Variants in ENDOV observed in about 807,000 individuals in gnomAD.
ENDOV encodes hEndoV.
Under a neutral mutation model 39.4 loss-of-function variants are expected in ENDOV, and 37 were observed. The observed-to-expected ratio is 0.94, with a 90% CI of 0.72 to 1.23. The LOEUF (loss-of-function observed/expected upper bound fraction) is 1.23, where lower values mean the gene tolerates loss of function less well. Among genes scored for constraint, ENDOV ranks in the 50% most tolerant of loss-of-function variants. ENDOV has a pLI of 0.00. For missense variants in ENDOV, 441 were observed against 375.7 expected (o/e 1.17, Z -1.44); for synonymous variants, 186 against 163.4 (o/e 1.14, Z -1.05).
intron 7 of ENDOV, chr17:80,427,932 C>A: frequency 8.5e-7 from 1 of 1,173,056 alleles, no homozygotes; most frequent in Non-Finnish European, 1.1e-6. Flanking sequence ...TTAGCCGTTG[C>A]TTTCCATGAG....
rs535757044 is a variant in ENDOV, at chr17:80,430,123, G to C, written c.838+292G>C. The C allele has an allele frequency of 8.5e-6, 13 of 1,530,760 alleles. No homozygotes were observed. The East Asian group carries it at 2.7e-4, about 32-fold the overall frequency. 94.8% of individuals were successfully genotyped at this position (1,530,760 alleles called of 1,614,324 possible). On this transcript the variant is annotated intron_variant, in intron 9 of 9. Coordinates refer to ENST00000518137, the MANE Select transcript of ENDOV (RefSeq NM_173627.5). ...GCACAGCCCAGCACCAGGTGGGGCA[G>C]AGGTGACCACGGCCCCTCTTTGCTC...
chr17:80,423,228 C>G (rs1203494832), intron 4 of ENDOV, among the ~76,000 whole-genome samples: 2 of 152,214 alleles, frequency 1.3e-5, no homozygotes, highest in Non-Finnish European at 2.9e-5. Flanking sequence ...CTGGGAGGTG[C>G]AGGAAATGAC....
chr17:80,415,858 T>C (rs1052726613), intron 2 of ENDOV, 37 bp downstream of exon 2: 1 of 1,559,276 alleles, frequency 6.4e-7, no homozygotes, highest in Admixed American at 1.9e-5. Flanking sequence ...GGCGGGCCCC[T>C]CGGTGGGCTC....
At chr17:80,422,427 G>A (rs1055531329) in intron 4 of ENDOV, among the ~76,000 whole-genome samples, 182 bp downstream of exon 4, 3 of 152,232 alleles carry the variant, frequency 2.0e-5, no homozygotes, top group African/African-American at 4.8e-5. Context: ...CCCCACCGCC[G>A]GTAAAGGACT....
At chr17:80,425,857 A>G (rs889433383) in intron 7 of ENDOV, among the ~76,000 whole-genome samples, 2 of 152,130 alleles carry the variant, frequency 1.3e-5, no homozygotes. Context: ...CCTGCACCCC[A>G]TGCACTCAGC....
rs751091545 is a variant in ENDOV, at chr17:80,430,156, G to T, written c.838+325G>T. On this transcript the variant is annotated intron_variant, in intron 9 of 9. Transcript: ENST00000518137. ...CACGGCCCCTCTTTGCTCCGTCATC[G>T]GCTGGTCAGCTGTGGTCACGGTGCC... 3.4e-5 allele frequency: 52 copies of T among 1,511,120 alleles called. No individual in the cohort carries two copies. The South Asian group carries it at 6.4e-4, about 19-fold the overall frequency. The allele number at this position is 1,511,120 out of a possible 1,614,324, so 93.6% of individuals were successfully genotyped here. A position where few individuals can be genotyped will look rare whatever the true frequency, so the allele number is the denominator to read the frequency against.
chr17:80,425,032 A>G lies in ENDOV; in HGVS notation c.517A>G (p.Ile173Val). Residue 173 changes from isoleucine (I) to valine (V), a missense_variant and splice_region_variant, in exon 6 of 10, where the codon ATC becomes GTC. By Grantham distance (29) the Ile-to-Val change is conservative (BLOSUM62 3). Transcript: ENST00000518137. ...CCCCATTTTTCCCTCCATTTTCCAG[A>G]TCCGACTCCTGCAGACTCGAGGAGA... ...LENNALHKEK[I>V]RLLQTRGDSF... The G allele has an allele frequency of 6.2e-7, 1 of 1,612,036 alleles. No individual in the cohort carries two copies. Among genetic ancestry groups the G allele is most frequent in the Non-Finnish European group, 8.5e-7 (1 of 1,179,188 alleles).
chr17:80,415,459 T>G lies in ENDOV; in HGVS notation c.57-191T>G, dbSNP rs539808412. On this transcript the variant is annotated intron_variant, in intron 1 of 9. Coordinates refer to ENST00000518137, the MANE Select transcript of ENDOV (RefSeq NM_173627.5). The stretch of plus-strand genomic sequence containing the variant: ...GCGGTTCTCGCTTCCGGCCAGTTTG[T>G]CTGGCCTGCGCTTGCGCGGGTCTCC... 3.6e-3 allele frequency: 3,533 copies of G among 990,828 alleles called. 87 individuals are homozygous for G. The African/African-American group carries it at 0.051, about 14-fold the overall frequency. 61.4% of individuals were successfully genotyped at this position (990,828 alleles called of 1,614,324 possible).
intron 6 of ENDOV, 52 bp downstream of exon 6, chr17:80,425,152 T>TTGCAGGCAGACACAGG (rs1329476905): frequency 6.6e-7 from 1 of 1,508,754 alleles, no homozygotes; most frequent in Non-Finnish European, 9.1e-7. Context: ...AGGGGATCCT[T>TTGCAGGCAGACACAGG]TGCAGGCAGA....
chr17:80,421,490 C>T (rs570281073), intron 2 of ENDOV, among the ~76,000 whole-genome samples: 1 of 132,208 alleles, frequency 7.6e-6, no homozygotes, highest in East Asian at 2.2e-4. Context: ...GACCGGGTCC[C>T]AGGGGGCTGC....
chr17:80,419,574 C>T (rs1391417780), intron 2 of ENDOV: 1 of 702,636 alleles, frequency 1.4e-6, no homozygotes, highest in African/African-American at 1.7e-5. Context: ...GTCTGTGACT[C>T]CCATCGATCA....
chr17:80,421,679 C>A, intron 2 of ENDOV, 149 bp from the exon 3 acceptor site: 2 of 1,095,148 alleles, frequency 1.8e-6, no homozygotes, highest in Non-Finnish European at 2.6e-6. Flanking sequence ...TCTTCCAAAC[C>A]CATCATCTCA....
intron 7 of ENDOV, chr17:80,427,589 T>A (rs2082867457): frequency 2.7e-6 from 3 of 1,097,630 alleles, no homozygotes; most frequent in South Asian, 2.1e-5. Flanking sequence ...CTGTTGGGCG[T>A]GAGCCGAGGA....
Position 80,436,519 on chromosome 17 carries a change from T to A in ENDOV, c.*376T>A. On this transcript the variant is annotated 3_prime_UTR_variant, in exon 10 of 10. Coordinates refer to ENST00000518137, the MANE Select transcript of ENDOV (RefSeq NM_173627.5). ...TTTTGTCAAATGCTTTTCTGGCCTC[T>A]ATTGAAAAGATCCTGTGTTCTTCTG... 4.5e-6 allele frequency: 2 copies of A among 446,152 alleles called. No individual in the cohort carries two copies. Among genetic ancestry groups the A allele is most frequent in the Non-Finnish European group, 7.4e-6 (2 of 269,494 alleles). 27.6% of individuals were successfully genotyped at this position (446,152 alleles called of 1,614,324 possible).
intron 9 of ENDOV, 132 bp from the exon 10 acceptor site, chr17:80,436,001 C>A: frequency 5.1e-6 from 5 of 978,666 alleles, no homozygotes; most frequent in Non-Finnish European, 7.8e-6. Context: ...GCTTTCCTCC[C>A]ACCTCGGCCT....
intron 9 of ENDOV, among the ~76,000 whole-genome samples, chr17:80,434,035 A>AC (rs41301942): frequency 0.011 from 1,691 of 152,212 alleles, 40 homozygotes; most frequent in African/African-American, 0.038. Context: ...CCAAAGGGAA[A>AC]CCCCATATCC....
rs537808176 is a variant in ENDOV, at chr17:80,419,596, A to G, written c.229-2232A>G. 62 of 702,982 alleles carry G rather than the reference A, an allele frequency of 8.8e-5. 3 individuals carry two copies. The highest frequency in any genetic ancestry group is 8.6e-4 in the South Asian group (58 of 67,604). The allele number at this position is 702,982 out of a possible 1,614,324, so 43.5% of individuals were successfully genotyped here. A position where few individuals can be genotyped will look rare whatever the true frequency, so the allele number is the denominator to read the frequency against. ...ACTCCCATCGATCAGTTCTGCCTTC[A>G]GGTAGCAAAACAGAACGGATCTTCC... On this transcript the variant is annotated intron_variant, in intron 2 of 9. Transcript: ENST00000518137.
At position 80,427,897 on chromosome 17, in the gene ENDOV, A is replaced by C. The variant is rs536743654; in HGVS notation, c.715-699A>C. The C allele has an allele frequency of 4.9e-6, 6 of 1,224,696 alleles. No homozygotes were observed. The African/African-American group carries it at 9.4e-5, about 19-fold the overall frequency. 75.9% of individuals were successfully genotyped at this position (1,224,696 alleles called of 1,614,324 possible). A position where few individuals can be genotyped will look rare whatever the true frequency, so the allele number is the denominator to read the frequency against. ...TACCGCTGCCCCACTTCCCCCATGA[A>C]TGGAAGCAGGAGCAGGCTGGGGGAT... On this transcript the variant is annotated intron_variant, in intron 7 of 9. Transcript: ENST00000518137.
chr17:80,433,727 G>C (rs1464607749), intron 9 of ENDOV, among the ~76,000 whole-genome samples: 2 of 152,186 alleles, frequency 1.3e-5, no homozygotes, highest in Non-Finnish European at 2.9e-5. Context: ...GCTCCTCTGG[G>C]GCTGGAGGTC....
Sources: allele counts gnomAD v4.1 joint callset (sites outside exome capture counted in the v4.1 genomes callset), GRCh38; gene constraint gnomAD v4.1.1; transcripts MANE v1.5; gene names NCBI Gene and HGNC (gene_info 2026-07-23, HGNC 2026-07-21).